ERICH3: variants seen among roughly 807,000 people sequenced by gnomAD.
ERICH3 encodes glutamate-rich protein 3.
In ERICH3, 126 loss-of-function variants were observed where a neutral mutation model predicts 131.1. The observed-to-expected ratio is 0.96, with a 90% CI of 0.83 to 1.11. ERICH3 has a LOEUF of 1.11. Among genes scored for constraint, ERICH3 ranks in the 50% most tolerant of loss-of-function variants. The probability of loss-of-function intolerance (pLI) is 0.00; values close to 1 mark genes in which losing one functional copy is unlikely to be tolerated. For missense variants in ERICH3, 2,050 were observed against 1,810.7 expected (o/e 1.13, Z -2.40); for synonymous variants, 695 against 644.6 (o/e 1.08, Z -1.18).
In ERICH3 at chr1:74,572,792, GCCTCTTCAGAACCGT is replaced by G. The variant is rs774881800; in HGVS notation, c.2903_2917del (p.Asp968_Glu972del). On this transcript the variant is annotated inframe_deletion, in exon 14 of 15. Transcript: ENST00000326665. ...GGCTGGTTCCTCTCCCCCAAGAATT[GCCTCTTCAGAACCGT>G]CCTCTCTCTTTGATGCTGTGTCCTC... 6.2e-7 allele frequency: 1 copy of G among 1,613,646 alleles called. No individual in the cohort carries two copies. Among genetic ancestry groups the G allele is most frequent in the South Asian group, 1.1e-5 (1 of 91,040 alleles).
intron 1 of ERICH3, among the ~76,000 whole-genome samples, chr1:74,661,323 AT>A (rs1646639375): frequency 6.6e-6 from 1 of 152,146 alleles, no homozygotes; most frequent in African/African-American, 2.4e-5. Flanking sequence ...GAATTCTCAA[AT>A]TTGATAAAAA....
At chr1:74,579,181 A>G (rs1173362146) in intron 12 of ERICH3, among the ~76,000 whole-genome samples, 2 of 152,216 alleles carry the variant, frequency 1.3e-5, no homozygotes, top group African/African-American at 4.8e-5. Context: ...AGACAGTTCA[A>G]ATAAGCAATG....
At chr1:74,640,795 G>C (rs1372734458) in intron 5 of ERICH3, among the ~76,000 whole-genome samples, 1 of 152,068 alleles carries the variant, frequency 6.6e-6, no homozygotes, top group Non-Finnish European at 1.5e-5. Context: ...AATAAAAGAA[G>C]CTCAAATGTT....
intron 8 of ERICH3, among the ~76,000 whole-genome samples, chr1:74,613,502 T>G (rs1373692231): frequency 6.6e-6 from 1 of 152,216 alleles, no homozygotes; most frequent in Non-Finnish European, 1.5e-5. Flanking sequence ...CAGTTAATAA[T>G]AAAAGGCTAC....
chr1:74,593,920 A>G (rs1452396973), intron 11 of ERICH3, among the ~76,000 whole-genome samples: 1 of 152,118 alleles, frequency 6.6e-6, no homozygotes, highest in Non-Finnish European at 1.5e-5. Flanking sequence ...ACCCACAGCC[A>G]TGGACCCACC....
chr1:74,668,250 C>T (rs1187818947), intron 1 of ERICH3, among the ~76,000 whole-genome samples: 1 of 152,142 alleles, frequency 6.6e-6, no homozygotes, highest in East Asian at 1.9e-4. Flanking sequence ...AATGCACTTC[C>T]AGTCATGTTG....
chr1:74,634,611 G>C, intron 6 of ERICH3: 1 of 705,934 alleles, frequency 1.4e-6, no homozygotes, highest in South Asian at 1.5e-5. Flanking sequence ...ATGAAACAAA[G>C]TATTGATCAA....
chr1:74,648,383 T>C (rs1237906845), intron 2 of ERICH3, among the ~76,000 whole-genome samples: 1 of 152,074 alleles, frequency 6.6e-6, no homozygotes, highest in African/African-American at 2.4e-5. Flanking sequence ...ATTGAGGAAG[T>C]TGGGGCTGAA....
chr1:74,633,991 TCTCA>T (rs368660725), intron 6 of ERICH3, among the ~76,000 whole-genome samples: 1,670 of 152,182 alleles, frequency 0.011, 18 homozygotes, highest in Non-Finnish European at 0.017. Flanking sequence ...AATTAAAGAC[TCTCA>T]CTCCTGCTAC....
At chr1:74,665,793 C>A (rs1646686625) in intron 1 of ERICH3, among the ~76,000 whole-genome samples, 1 of 152,050 alleles carries the variant, frequency 6.6e-6, no homozygotes, top group South Asian at 2.1e-4. Flanking sequence ...GACCCTGTCT[C>A]CAATACAGTC....
intron 9 of ERICH3, among the ~76,000 whole-genome samples, chr1:74,612,414 C>T (rs992217593): frequency 3.3e-5 from 5 of 152,160 alleles, no homozygotes; most frequent in Admixed American, 6.5e-5. Flanking sequence ...CTTTTATCTT[C>T]GTTATATAAC....
rs1431563838 is a variant in ERICH3 at position 74,573,369 on chromosome 1, G to A, written c.2341C>T (p.Pro781Ser). ...KKEAMEEDEAPQHRDADIVQG... is the reference protein window; with the variant it reads ...KKEAMEEDEASQHRDADIVQG... ...ACTATGTCAGCATCTCTGTGCTGGG[G>A]CGCTTCATCTTCCTCCATTGCTTCT... The change falls in exon 14 of 15, where the codon CCC becomes TCC. Residue 781 changes from proline to serine, a missense_variant. Pro to Ser is a moderately conservative substitution (Grantham distance 74, BLOSUM62 -1). Coordinates refer to ENST00000326665, the MANE Select transcript of ERICH3 (RefSeq NM_001002912.5). 2.5e-6 allele frequency: 4 copies of A among 1,609,886 alleles called. No individual in the cohort carries two copies. The highest frequency in any genetic ancestry group is 1.7e-5 in the Admixed American group (1 of 58,976).
intron 12 of ERICH3, chr1:74,578,368 T>G (rs943078706): frequency 2.0e-5 from 3 of 153,506 alleles, no homozygotes; most frequent in African/African-American, 7.2e-5. Context: ...TAGGCCAAAG[T>G]GTAAAGCCAA....
chr1:74,599,872 C>T lies in ERICH3; in HGVS notation c.1549G>A (p.Gly517Arg), dbSNP rs1483052645. The T allele has an allele frequency of 1.2e-6, 2 of 1,612,130 alleles. No homozygotes were observed. The highest frequency in any genetic ancestry group is 1.3e-5 in the African/African-American group (1 of 74,874). Residue 517 changes from glycine (G) to arginine (R), a missense_variant, in exon 11 of 15, where the codon GGA becomes AGA. Transcript: ENST00000326665. The stretch of plus-strand genomic sequence containing the variant: ...CCATTCATTTGAACATCAGCCTGTC[C>T]TTCTTCATTAGATTTTTCACCTTGT... The part of the protein sequence containing the change: ...EKQGEKSNEE[G>R]QADVQMNGIP...
Position 74,606,721 on chromosome 1 carries a change from A to C in ERICH3, c.1369T>G (p.Ser457Ala), listed in dbSNP as rs375108751. 2.8e-5 allele frequency: 45 copies of C among 1,613,454 alleles called. No individual in the cohort carries two copies. The highest frequency in any genetic ancestry group is 3.7e-5 in the Non-Finnish European group (44 of 1,179,588). Residue 457 changes from serine (S) to alanine (A), a missense_variant, in exon 10 of 15, where the codon TCA becomes GCA. Coordinates refer to ENST00000326665, the MANE Select transcript of ERICH3 (RefSeq NM_001002912.5). ...AGCCCTGTTTTTATTTCTTGAGCTG[A>C]AAATTTGGCTGAAACAGAGGTTTTG... The part of the protein sequence containing the change: ...ENKTSVSAKF[S>A]AQEIKTGLKE...
chr1:74,649,926 T>A (rs2100643031), intron 1 of ERICH3, among the ~76,000 whole-genome samples: 2 of 152,218 alleles, frequency 1.3e-5, no homozygotes, highest in East Asian at 3.9e-4. Flanking sequence ...TCCTACCCCA[T>A]AAGACCCTGA....
At chr1:74,610,588 T>C (rs940419042) in intron 9 of ERICH3, among the ~76,000 whole-genome samples, 1 of 151,748 alleles carries the variant, frequency 6.6e-6, no homozygotes, top group South Asian at 2.1e-4. Flanking sequence ...TATTAGCATA[T>C]AAACATATTA....
intron 7 of ERICH3, among the ~76,000 whole-genome samples, chr1:74,630,904 A>C (rs1203661732): frequency 6.6e-6 from 1 of 152,002 alleles, no homozygotes; most frequent in Non-Finnish European, 1.5e-5. Flanking sequence ...GAGTTGAAAA[A>C]AGGAAATTCA....
chr1:74,590,180 A>C, intron 11 of ERICH3, 100 bp from the exon 12 acceptor site: 1 of 1,061,680 alleles, frequency 9.4e-7, no homozygotes, highest in Non-Finnish European at 1.3e-6. Context: ...AAATTTTAAA[A>C]CATAGTTTAA....
Sources: allele counts gnomAD v4.1 joint callset (sites outside exome capture counted in the v4.1 genomes callset), GRCh38; gene constraint gnomAD v4.1.1; transcripts MANE v1.5; gene names NCBI Gene and HGNC (gene_info 2026-07-23, HGNC 2026-07-21).